The following PLK1 variants were observed in gnomAD, a reference collection of about 807,000 sequenced individuals.
The protein encoded by PLK1 is serine/threonine-protein kinase PLK1.
Under a neutral mutation model 56.7 loss-of-function variants are expected in PLK1, and 6 were observed. That is an observed-to-expected ratio of 0.11 (90% CI 0.06 to 0.21). The LOEUF is 0.21. PLK1 is among the 10% of genes least tolerant of loss of function. The pLI, the probability that PLK1 is intolerant of heterozygous loss-of-function variation, is 1.00. For missense variants in PLK1, 546 were observed against 814.4 expected (o/e 0.67, Z 4.01); for synonymous variants, 298 against 325.0 (o/e 0.92, Z 0.89).
chr16:23,686,554 AAG>A (rs1404698641), intron 5 of PLK1, among the ~76,000 whole-genome samples: 4 of 152,102 alleles, frequency 2.6e-5, no homozygotes, highest in Middle Eastern at 3.2e-3. Context: ...GTGCTGTGGC[AAG>A]ATCATGGCTC....
intron 5 of PLK1, 143 bp downstream of exon 5, chr16:23,684,232 C>A (rs530624542): frequency 1.5e-6 from 1 of 646,658 alleles, no homozygotes; most frequent in Non-Finnish European, 2.7e-6. Flanking sequence ...TTCCAATGCC[C>A]ATCTGCTTCT....
chr16:23,680,274 G>T (rs768183942), intron 2 of PLK1, 22 bp downstream of exon 2: 1 of 1,610,682 alleles, frequency 6.2e-7, no homozygotes, highest in Admixed American at 1.7e-5. Context: ...AGCCTGCAGG[G>T]GTGCTTGACA....
Position 23,683,887 on chromosome 16 carries a change from C to T in PLK1, c.834C>T (p.Ala278=), listed in dbSNP as rs778950707. ...YSIPKHINPV[A]ASLIQKMLQT... Reference sequence around the variant, plus strand: ...TGCCCCAGCACATCAACCCCGTGGCCGCCTCCCTCATCCAGAAGATGCTTC... The same window carrying T: ...TGCCCCAGCACATCAACCCCGTGGCTGCCTCCCTCATCCAGAAGATGCTTC... Residue 278 remains alanine, a synonymous_variant, in exon 5 of 10, where the codon GCC becomes GCT. Coordinates refer to ENST00000300093, the MANE Select transcript of PLK1 (RefSeq NM_005030.6). The T allele has an allele frequency of 2.9e-5, 47 of 1,613,856 alleles. No homozygotes were observed. The highest frequency in any genetic ancestry group is 1.5e-4 in the Admixed American group (9 of 59,990).
At chr16:23,679,607 G>C (rs536749326) in intron 1 of PLK1, 50 of 456,808 alleles carry the variant, frequency 1.1e-4, no homozygotes, top group Non-Finnish European at 1.6e-4. Flanking sequence ...CGAGGTGCTG[G>C]GGGGAGGGGT....
intron 2 of PLK1, among the ~76,000 whole-genome samples, 159 bp from the exon 3 acceptor site, chr16:23,680,755 G>A (rs1383144559): frequency 6.6e-6 from 1 of 152,220 alleles, no homozygotes; most frequent in African/African-American, 2.4e-5. Flanking sequence ...TGTCAGCATG[G>A]GAGGAAGATT....
intron 6 of PLK1, 93 bp from the exon 7 acceptor site, chr16:23,688,575 G>A: frequency 9.6e-7 from 1 of 1,040,134 alleles, no homozygotes; most frequent in Non-Finnish European, 1.5e-6. Flanking sequence ...GTGCCCAGCA[G>A]GCTTCCCTGT....
intron 5 of PLK1, among the ~76,000 whole-genome samples, chr16:23,684,314 T>C (rs888339739): frequency 6.6e-6 from 1 of 152,204 alleles, no homozygotes; most frequent in Non-Finnish European, 1.5e-5. Flanking sequence ...AGAAAATGGA[T>C]TGAATGCCAA....
At chr16:23,688,078 A>G (rs1446959604) in intron 6 of PLK1, among the ~76,000 whole-genome samples, 4 of 152,152 alleles carry the variant, frequency 2.6e-5, no homozygotes, top group Non-Finnish European at 5.9e-5. Flanking sequence ...CCCACTGCAT[A>G]GTTCTCCATA....
chr16:23,689,337 A>G lies in PLK1; in HGVS notation c.1370A>G (p.Asp457Gly), dbSNP rs1959494748. ...DGDSLQYIER[D>G]GTESYLTVSS... The stretch of plus-strand genomic sequence containing the variant: ...GACAGCCTGCAGTACATAGAGCGTG[A>G]CGGCACTGAGTCCTACCTCACCGTG... Residue 457 changes from aspartate to glycine, a missense_variant, in exon 8 of 10, where the codon GAC becomes GGC. Physicochemically the swap from Asp to Gly is moderately conservative, Grantham distance 94. Around this residue, in one of 7 missense-constraint regions of PLK1, gnomAD observed 113 missense variants for 202.0 expected, o/e 0.56. Coordinates refer to ENST00000300093, the MANE Select transcript of PLK1 (RefSeq NM_005030.6). This position sits in a 1 kb window ranked among gnomAD's most constrained non-coding sequence, Gnocchi z 4.8. 2.5e-6 allele frequency: 4 copies of G among 1,613,836 alleles called. No homozygotes were observed. The highest frequency in any genetic ancestry group is 1.7e-5 in the Admixed American group (1 of 59,990).
intron 3 of PLK1, 53 bp from the exon 4 acceptor site, chr16:23,682,011 A>C (rs1045814305): frequency 6.5e-6 from 6 of 924,682 alleles, no homozygotes; most frequent in Non-Finnish European, 1.1e-5. Flanking sequence ...GATTTCTCTC[A>C]TGTCTGGGTT....
In PLK1 at chr16:23,680,198, C is replaced by A. The variant is rs1013324152; in HGVS notation, c.523C>A (p.Arg175=). 6.2e-7 allele frequency: 1 copy of A among 1,613,970 alleles called. No homozygotes were observed. Among genetic ancestry groups the A allele is most frequent in the African/African-American group, 1.3e-5 (1 of 74,986 alleles). The change falls in exon 2 of 10, where the codon CGA becomes AGA. Residue 175 remains arginine, a synonymous_variant. Coordinates refer to ENST00000300093, the MANE Select transcript of PLK1 (RefSeq NM_005030.6). ...CCTGCACCGAAACCGAGTTATTCAT[C>A]GAGACCTCAAGCTGGGCAACCTTTT... The part of the protein sequence containing the change: ...QYLHRNRVIH[R]DLKLGNLFLN...
intron 5 of PLK1, among the ~76,000 whole-genome samples, chr16:23,684,763 T>C (rs1318009078): frequency 2.6e-5 from 4 of 152,052 alleles, no homozygotes; most frequent in Non-Finnish European, 5.9e-5. Flanking sequence ...GTTCACGCCG[T>C]TCTCCTGCCT....
At position 23,688,112 on chromosome 16, in the gene PLK1, A is replaced by G. The variant is rs140348820; in HGVS notation, c.1192+488A>G. On this transcript the variant is annotated intron_variant, in intron 6 of 9. Transcript: ENST00000300093. ...TAACACTTCTCACCCAACATAGTCC[A>G]ACATGTCCTTCTTTGTTTATTGGAT... is the stretch of plus-strand genomic sequence containing the variant. Among the ~76,000 whole-genome samples, 10 of 152,242 alleles carry G rather than the reference A, an allele frequency of 6.6e-5. No homozygotes were observed. In the East Asian group the frequency reaches 1.9e-3, roughly 29 times the overall value.
rs186532709 is a variant in PLK1, at chr16:23,684,865, A to G, written c.1036+776A>G. On this transcript the variant is annotated intron_variant, in intron 5 of 9. Coordinates refer to ENST00000300093, the MANE Select transcript of PLK1 (RefSeq NM_005030.6). Reference sequence around the variant, plus strand: ...AGTAGAGACGGGGTTTCACTGTGTTAGCCAGGATGGTCTCAATCTCCTGAC... The same window carrying G: ...AGTAGAGACGGGGTTTCACTGTGTTGGCCAGGATGGTCTCAATCTCCTGAC... 6.1e-3 allele frequency among the ~76,000 whole-genome samples: 885 copies of G among 144,000 alleles called. 5 individuals are homozygous for G. Among genetic ancestry groups the G allele is most frequent in the Middle Eastern group, 0.012 (3 of 258 alleles). The allele number at this position is 144,000 out of a possible 152,430, so 94.5% of individuals were successfully genotyped here. A position where few individuals can be genotyped will look rare whatever the true frequency, so the allele number is the denominator to read the frequency against.
intron 3 of PLK1, 138 bp from the exon 4 acceptor site, chr16:23,681,926 A>C: frequency 1.6e-6 from 1 of 622,870 alleles, no homozygotes; most frequent in Non-Finnish European, 2.9e-6. Flanking sequence ...CAGTGGACTT[A>C]GGGATTGTCT....
Position 23,689,786 on chromosome 16 carries a change from G to C in PLK1, c.1609-74G>C. On this transcript the variant is annotated intron_variant, in intron 9 of 9. Transcript: ENST00000300093. This position sits in a 1 kb window ranked among gnomAD's most constrained non-coding sequence, Gnocchi z 4.8. Reference sequence around the variant, plus strand: ...TGAGCGGCTCAGGTACCTATAACCTGTTGTGTCTTCCCTCTACTCCCTAAC... The same window carrying C: ...TGAGCGGCTCAGGTACCTATAACCTCTTGTGTCTTCCCTCTACTCCCTAAC... The C allele has an allele frequency of 6.5e-7, 1 of 1,532,338 alleles. No individual in the cohort carries two copies. The allele number at this position is 1,532,338 out of a possible 1,614,324, so 94.9% of individuals were successfully genotyped here.
At position 23,687,345 on chromosome 16, in the gene PLK1, C is replaced by G. The variant is rs192332046; in HGVS notation, c.1037-124C>G. ...GCATGGCAGCTGCTGCTCTAGTAAC[C>G]AGGCACTGATTCAGTTTCCCCAAAG... On this transcript the variant is annotated intron_variant, in intron 5 of 9. Transcript: ENST00000300093. The G allele has an allele frequency of 3.7e-3, 2,744 of 737,304 alleles. 7 individuals are homozygous for G. Among genetic ancestry groups the G allele is most frequent in the Non-Finnish European group, 4.6e-3 (2,108 of 459,944 alleles). The allele number at this position is 737,304 out of a possible 1,614,324, so 45.7% of individuals were successfully genotyped here. A position where few individuals can be genotyped will look rare whatever the true frequency, so the allele number is the denominator to read the frequency against.
chr16:23,682,466 T>G (rs1463957484), intron 4 of PLK1, among the ~76,000 whole-genome samples: 1 of 151,266 alleles, frequency 6.6e-6, no homozygotes, highest in East Asian at 1.9e-4. Flanking sequence ...AAATGGTTTA[T>G]CTTAATTCAA....
chr16:23,680,204 C>T lies in PLK1; in HGVS notation c.529C>T (p.Leu177Phe). ...LHRNRVIHRD[L>F]KLGNLFLNED... Reference sequence around the variant, plus strand: ...CCGAAACCGAGTTATTCATCGAGACCTCAAGCTGGGCAACCTTTTCCTGAA... The same window carrying T: ...CCGAAACCGAGTTATTCATCGAGACTTCAAGCTGGGCAACCTTTTCCTGAA... The change falls in exon 2 of 10, where the codon CTC becomes TTC. Residue 177 changes from leucine (L) to phenylalanine (F), a missense_variant. This residue lies in a region of PLK1 where 111 missense variants were observed against 211.8 expected (regional missense o/e 0.52). Transcript: ENST00000300093. The T allele has an allele frequency of 6.2e-7, 1 of 1,614,032 alleles. No individual in the cohort carries two copies. The highest frequency in any genetic ancestry group is 2.2e-5 in the East Asian group (1 of 44,868).
Sources: allele counts gnomAD v4.1 joint callset (sites outside exome capture counted in the v4.1 genomes callset), GRCh38; gene constraint gnomAD v4.1.1; regional missense constraint gnomAD v4.1.1; non-coding constraint Gnocchi (gnomAD v3.1); transcripts MANE v1.5; gene names NCBI Gene and HGNC (gene_info 2026-07-23, HGNC 2026-07-21).